ASPH: variants seen among roughly 807,000 people sequenced by gnomAD.
ASPH encodes aspartate beta-hydroxylase.
In ASPH, 100 loss-of-function variants were observed where a neutral mutation model predicts 118.4. The ratio of observed to expected loss-of-function variants is 0.84; its 90% CI spans 0.72 to 1.00. The LOEUF is 1.00. Ranked by LOEUF, ASPH falls within the 50% of genes least tolerant of loss-of-function variation. ASPH has a pLI of 0.00. For missense variants in ASPH, 920 were observed against 919.5 expected, an observed-to-expected ratio of 1.00 and a Z score of -0.01; for synonymous variants, 315 against 325.6, an observed-to-expected ratio of 0.97 and a Z score of 0.35.
At chr8:61,668,580 C>T (rs1394158044) in intron 3 of ASPH, among the ~76,000 whole-genome samples, 1 of 152,158 alleles carries the variant, frequency 6.6e-6, no homozygotes, top group Non-Finnish European at 1.5e-5. Context: ...GCATTTTCTA[C>T]TCAGTGGTAG....
At chr8:61,655,559 GA>G (rs1813224834) in intron 3 of ASPH, among the ~76,000 whole-genome samples, 1 of 152,172 alleles carries the variant, frequency 6.6e-6, no homozygotes, top group African/African-American at 2.4e-5. Flanking sequence ...TAAACTGCCT[GA>G]AAACCCCATT....
chr8:61,704,910 T>C (rs1467368926), intron 1 of ASPH, among the ~76,000 whole-genome samples: 2 of 151,998 alleles, frequency 1.3e-5, no homozygotes, highest in African/African-American at 4.8e-5. Flanking sequence ...TGCAAAAGAG[T>C]TGAACAGTTT....
chr8:61,558,004 A>T (rs1302489138), intron 18 of ASPH, among the ~76,000 whole-genome samples: 1 of 152,234 alleles, frequency 6.6e-6, no homozygotes, highest in Non-Finnish European at 1.5e-5. Flanking sequence ...AAATTTATTG[A>T]TTTACTAGAC....
intron 16 of ASPH, among the ~76,000 whole-genome samples, chr8:61,573,595 C>T (rs918293281): frequency 6.6e-6 from 1 of 152,084 alleles, no homozygotes; most frequent in Non-Finnish European, 1.5e-5. Flanking sequence ...ACAAACCTGA[C>T]AAAAACAAGC....
At chr8:61,575,322 A>AG (rs1834773173) in intron 16 of ASPH, among the ~76,000 whole-genome samples, 2 of 152,196 alleles carry the variant, frequency 1.3e-5, no homozygotes, top group Non-Finnish European at 2.9e-5. Context: ...AAAGACTTTC[A>AG]GGGCTTTGCT....
At chr8:61,684,259 T>A (rs1193356585) in intron 1 of ASPH, 71 bp from the exon 2 acceptor site, 2 of 1,457,918 alleles carry the variant, frequency 1.4e-6, no homozygotes, top group African/African-American at 2.8e-5. Context: ...CACAATTATT[T>A]CTCCAATAAT....
chr8:61,698,172 T>C (rs976282756), intron 1 of ASPH, among the ~76,000 whole-genome samples: 25 of 152,214 alleles, frequency 1.6e-4, no homozygotes, highest in African/African-American at 5.5e-4. Context: ...CAGAAGCAGT[T>C]CAGAGACTCC....
intron 3 of ASPH, among the ~76,000 whole-genome samples, chr8:61,672,270 C>G (rs1822953831): frequency 1.3e-5 from 2 of 151,684 alleles, no homozygotes; most frequent in Admixed American, 6.6e-5. Context: ...AGCTACAAAC[C>G]CACCAACCCT....
intron 24 of ASPH, among the ~76,000 whole-genome samples, chr8:61,514,215 C>G (rs967819031): frequency 5.9e-5 from 9 of 152,288 alleles, no homozygotes; most frequent in Admixed American, 3.9e-4. Context: ...GGCTGCCACA[C>G]CCATTCTTCC....
At chr8:61,622,129 A>T (rs1050394374) in intron 13 of ASPH, among the ~76,000 whole-genome samples, 9 of 152,054 alleles carry the variant, frequency 5.9e-5, no homozygotes, top group African/African-American at 2.2e-4. Flanking sequence ...CACAAGGTCA[A>T]GAGATCGAGA....
intron 24 of ASPH, among the ~76,000 whole-genome samples, chr8:61,510,613 T>C (rs756494532): frequency 1.6e-4 from 24 of 152,062 alleles, no homozygotes; most frequent in Admixed American, 6.5e-4. Context: ...CCTGTGGAGG[T>C]AGAGAAATGT....
intron 5 of ASPH, among the ~76,000 whole-genome samples, chr8:61,649,923 G>C (rs887256729): frequency 6.6e-6 from 1 of 151,896 alleles, no homozygotes; most frequent in African/African-American, 2.4e-5. Context: ...CATATTCCAC[G>C]TGCCAGCCAT....
chr8:61,608,508 T>TA (rs1563997084), intron 14 of ASPH, among the ~76,000 whole-genome samples: 1 of 152,238 alleles, frequency 6.6e-6, no homozygotes, highest in Non-Finnish European at 1.5e-5. Flanking sequence ...TTAATAAACT[T>TA]AAAATTTTTT....
chr8:61,558,804 T>TA (rs1327556911), intron 18 of ASPH, among the ~76,000 whole-genome samples: 1 of 152,188 alleles, frequency 6.6e-6, no homozygotes, highest in African/African-American at 2.4e-5. Flanking sequence ...ATGAGATTTC[T>TA]AAAAAACCCA....
rs573739977 is a variant in ASPH, at chr8:61,707,725, T to C, written c.103+6544A>G. On this transcript the variant is annotated intron_variant, in intron 1 of 24. Transcript: ENST00000379454. ...AAATGAAAAGCAAGGCATATTCATATGGTGTAGAACTACATATGTGAAAAT... is the reference window on the plus strand; with the variant it reads ...AAATGAAAAGCAAGGCATATTCATACGGTGTAGAACTACATATGTGAAAAT... Among the ~76,000 whole-genome samples, 49 of 152,336 alleles carry C rather than the reference T, an allele frequency of 3.2e-4. 1 individual carries two copies. The South Asian group carries it at 9.9e-3, about 31-fold the overall frequency.
At chr8:61,660,602 G>C (rs963102360) in intron 3 of ASPH, 2 of 152,100 alleles carry the variant, frequency 1.3e-5, no homozygotes, top group Non-Finnish European at 2.9e-5. Context: ...CAAGCACCTA[G>C]ATCCAGCATA....
At chr8:61,660,098 A>G (rs1344596118) in intron 3 of ASPH, 1 of 152,094 alleles carries the variant, frequency 6.6e-6, no homozygotes. Context: ...TCCATCACTC[A>G]GGTAATGAGC....
intron 3 of ASPH, chr8:61,656,065 G>A (rs1391102109): frequency 2.6e-5 from 4 of 151,898 alleles, no homozygotes; most frequent in Non-Finnish European, 4.4e-5. Context: ...AAAATTTGAG[G>A]GAAAAAGCAA....
intron 15 of ASPH, chr8:61,578,311 C>T (rs1836056300): frequency 1.2e-6 from 2 of 1,600,232 alleles, no homozygotes; most frequent in East Asian, 2.2e-5. Flanking sequence ...GGGCCCGGTG[C>T]CCACATCAGC....
Sources: gnomAD v4.1 joint callset for allele counts (sites outside exome capture counted in the v4.1 genomes callset) on GRCh38, gnomAD v4.1.1 for gene constraint, MANE v1.5 for transcripts, NCBI Gene and HGNC (gene_info 2026-07-23, HGNC 2026-07-21) for gene names.